Variants in PTPRU observed in about 807,000 individuals in gnomAD.
PTPRU encodes protein tyrosine phosphatase receptor type U, also known as receptor-type tyrosine-protein phosphatase U.
In PTPRU, 69 loss-of-function variants were observed where a neutral mutation model predicts 166.3. The observed-to-expected ratio is 0.41, with a 90% CI of 0.34 to 0.51. The LOEUF (loss-of-function observed/expected upper bound fraction) is 0.51, where lower values mean the gene tolerates loss of function less well. PTPRU is among the 20% of genes least tolerant of loss of function. The pLI is 0.09. For synonymous variants in PTPRU, 793 were observed against 814.0 expected (o/e 0.97, Z 0.44); for missense variants, 1,657 against 2,013.7 (o/e 0.82, Z 3.39).
In PTPRU at chr1:29,259,293, C is replaced by G. The variant is rs1358064137; in HGVS notation, c.510C>G (p.Arg170=). 6.2e-7 allele frequency: 1 copy of G among 1,614,124 alleles called. No individual in the cohort carries two copies. Among genetic ancestry groups the G allele is most frequent in the Admixed American group, 1.7e-5 (1 of 60,024 alleles). The stretch of plus-strand genomic sequence containing the variant: ...TTGAGGCCCTCATCTCCCCAGACCG[C>G]AGGGGCTACATGGGCCTAGATGACA... ...VLFEALISPD[R]RGYMGLDDIL... is the part of the protein sequence containing the mutation. The change falls in exon 4 of 30, where the codon CGC becomes CGG. Residue 170 remains arginine, a synonymous_variant. Transcript: ENST00000373779.
intron 8 of PTPRU, among the ~76,000 whole-genome samples, chr1:29,276,717 T>C (rs1194133008): frequency 6.6e-6 from 1 of 152,252 alleles, no homozygotes; most frequent in Non-Finnish European, 1.5e-5. Context: ...TTTTCTTGTT[T>C]ACCCTTGTGA....
chr1:29,282,841 G>T lies in PTPRU; in HGVS notation c.2034G>T (p.Met678Ile). Reference sequence around the variant, plus strand: ...CGGCCAGCAGTCTACCTGAGGCCATGCCCTTTACCGTGGGTGACAACCAGA... The same window carrying T: ...CGGCCAGCAGTCTACCTGAGGCCATTCCCTTTACCGTGGGTGACAACCAGA... ...ELAASSLPEA[M>I]PFTVGDNQTY... Residue 678 changes from methionine to isoleucine, a missense_variant, in exon 12 of 30, where the codon ATG (methionine) becomes ATT (isoleucine). Transcript: ENST00000373779. 6.2e-7 allele frequency: 1 copy of T among 1,614,168 alleles called. No individual in the cohort carries two copies. The highest frequency in any genetic ancestry group is 8.5e-7 in the Non-Finnish European group (1 of 1,180,012).
chr1:29,255,020 G>A (rs1684711607), intron 1 of PTPRU, among the ~76,000 whole-genome samples: 1 of 152,172 alleles, frequency 6.6e-6, no homozygotes, highest in Non-Finnish European at 1.5e-5. Context: ...AGCCAGTGGT[G>A]GTTGGGGGGT....
chr1:29,259,600 T>TGGGGTTTTTTGGGGGGGGGGGGGGGGG, intron 5 of PTPRU, 36 bp downstream of exon 5: 2 of 253,660 alleles, frequency 7.9e-6, no homozygotes, highest in Non-Finnish European at 1.5e-5. Flanking sequence ...GGGGGCGGGG[T>TGGGGTTTTTTGGGGGGGGGGGGGGGGG]GGGAGGGGGT....
intron 22 of PTPRU, among the ~76,000 whole-genome samples, chr1:29,314,591 T>TG (rs1299588399): frequency 6.6e-6 from 1 of 151,622 alleles, no homozygotes; most frequent in African/African-American, 2.4e-5. Context: ...TAATTTTTTT[T>TG]TTTTGAGACA....
At chr1:29,266,022 T>TC (rs1685287288) in intron 7 of PTPRU, among the ~76,000 whole-genome samples, 1 of 141,646 alleles carries the variant, frequency 7.1e-6, no homozygotes, top group African/African-American at 2.6e-5. Flanking sequence ...TTTTTTTTTT[T>TC]TTTTTTTTTT....
Position 29,236,734 on chromosome 1 carries a change from C to T in PTPRU, c.73+17C>T, listed in dbSNP as rs1383946212. On this transcript the variant is annotated intron_variant, in intron 1 of 29. Coordinates refer to ENST00000373779, the MANE Select transcript of PTPRU (RefSeq NM_133178.4). This position sits in a 1 kb window ranked among gnomAD's most constrained non-coding sequence, Gnocchi z 4.6. ...CTCCGGCAGGTAAGCGCGCGGCGGC[C>T]GGACCGAGCCTGCCCCGCCGAGCCT... 2.8e-6 allele frequency: 4 copies of T among 1,413,782 alleles called. No individual in the cohort carries two copies. The highest frequency in any genetic ancestry group is 1.5e-5 in the African/African-American group (1 of 67,778). 87.6% of individuals were successfully genotyped at this position (1,413,782 alleles called of 1,614,324 possible).
chr1:29,267,725 G>A (rs2151947947), intron 7 of PTPRU, among the ~76,000 whole-genome samples: 1 of 152,334 alleles, frequency 6.6e-6, no homozygotes, highest in East Asian at 1.9e-4. Flanking sequence ...GAGAGAGCTG[G>A]GGAGCCACTG....
chr1:29,260,264 C>G lies in PTPRU; in HGVS notation c.850+220C>G. ...TGGCTTCGAGGGGGACGGACAGGGTCAAGGTGAGAGCCTAAAGAGGGGTGG... is the reference window on the plus strand; with the variant it reads ...TGGCTTCGAGGGGGACGGACAGGGTGAAGGTGAGAGCCTAAAGAGGGGTGG... On this transcript the variant is annotated intron_variant, in intron 6 of 29. Coordinates refer to ENST00000373779, the MANE Select transcript of PTPRU (RefSeq NM_133178.4). The surrounding 1 kb of genome is among the most constrained non-coding windows in gnomAD (Gnocchi z 8.3). The G allele has an allele frequency of 1.9e-6, 1 of 533,396 alleles. No individual in the cohort carries two copies. The highest frequency in any genetic ancestry group is 4.2e-5 in the Admixed American group (1 of 23,858). 33.0% of individuals were successfully genotyped at this position (533,396 alleles called of 1,614,324 possible).
intron 1 of PTPRU, among the ~76,000 whole-genome samples, chr1:29,254,213 G>T (rs988641620): frequency 1.3e-5 from 2 of 152,192 alleles, no homozygotes; most frequent in Admixed American, 1.3e-4. Flanking sequence ...GATGCCTCAG[G>T]CTCCTGATGG....
At chr1:29,303,728 C>A (rs1687248052) in intron 15 of PTPRU, 127 bp from the exon 16 acceptor site, 3 of 1,034,582 alleles carry the variant, frequency 2.9e-6, no homozygotes, top group African/African-American at 1.6e-5. Context: ...CTGCTTGGCT[C>A]CAGCCAACAA....
At position 29,241,416 on chromosome 1, in the gene PTPRU, G is replaced by A. The variant is rs74065285; in HGVS notation, c.73+4699G>A. Among the ~76,000 whole-genome samples the A allele has an allele frequency of 2.1e-3, 317 of 152,112 alleles. 1 individual carries two copies. Among genetic ancestry groups the A allele is most frequent in the African/African-American group, 6.5e-3 (268 of 41,472 alleles). On this transcript the variant is annotated intron_variant, in intron 1 of 29. Coordinates refer to ENST00000373779, the MANE Select transcript of PTPRU (RefSeq NM_133178.4). ...GGGAGTGTCTCTGTGTTGTGTCCAGGTATGGGGCTGGCCAGGTGCCTGAGT... is the reference window on the plus strand; with the variant it reads ...GGGAGTGTCTCTGTGTTGTGTCCAGATATGGGGCTGGCCAGGTGCCTGAGT...
intron 12 of PTPRU, among the ~76,000 whole-genome samples, chr1:29,283,483 AT>A (rs1229102725): frequency 1.3e-5 from 2 of 151,584 alleles, no homozygotes; most frequent in Non-Finnish European, 2.9e-5. Flanking sequence ...CCTGCCTTCT[AT>A]CTTAGATGCT....
intron 22 of PTPRU, among the ~76,000 whole-genome samples, chr1:29,313,271 C>T (rs1219855912): frequency 6.6e-6 from 1 of 152,098 alleles, no homozygotes; most frequent in Non-Finnish European, 1.5e-5. Context: ...CCCTGGAGAG[C>T]GTAACCCCCA....
intron 14 of PTPRU, chr1:29,289,592 C>A: frequency 6.6e-7 from 1 of 1,523,396 alleles, no homozygotes; most frequent in Non-Finnish European, 9.1e-7. Flanking sequence ...GGTACCCAGG[C>A]CCCACCCTGC....
intron 1 of PTPRU, among the ~76,000 whole-genome samples, chr1:29,253,241 G>A (rs1317355740): frequency 1.3e-5 from 2 of 152,160 alleles, no homozygotes; most frequent in South Asian, 2.1e-4. Flanking sequence ...GAAGCTCTCC[G>A]AACCCTGTCC....
chr1:29,304,819 A>T lies in PTPRU; in HGVS notation c.2713A>T (p.Lys905Ter). 6.2e-7 allele frequency: 1 copy of T among 1,612,598 alleles called. No individual in the cohort carries two copies. Among genetic ancestry groups the T allele is most frequent in the Non-Finnish European group, 8.5e-7 (1 of 1,178,830 alleles). The change falls in exon 17 of 30, where the codon AAG becomes TAG. Residue 905 changes from lysine (K) to a stop codon, truncating the protein, a stop_gained. Transcript: ENST00000373779. LOFTEE classifies it high-confidence loss of function. Reference protein sequence around the residue: ...WDATKKKDKVKGSRQEPMPAY... With the variant: ...WDATKKKDKV ...CGCCACAAAGAAGAAAGACAAGGTC[A>T]AGGGCAGCCGGCAGGAGCCAATGCC... is the stretch of plus-strand genomic sequence containing the variant.
intron 12 of PTPRU, 53 bp from the exon 13 acceptor site, chr1:29,283,887 G>A (rs996245266): frequency 6.2e-7 from 1 of 1,609,310 alleles, no homozygotes; most frequent in Admixed American, 1.7e-5. Flanking sequence ...CCCACCCTGG[G>A]GAGGGAGAGG....
intron 7 of PTPRU, among the ~76,000 whole-genome samples, chr1:29,267,566 A>T (rs530042151): frequency 6.6e-6 from 1 of 152,228 alleles, no homozygotes; most frequent in Non-Finnish European, 1.5e-5. Flanking sequence ...CTGAGCAGCC[A>T]GCACAAAGGC....
Sources: allele counts gnomAD v4.1 joint callset (sites outside exome capture counted in the v4.1 genomes callset), GRCh38; gene constraint gnomAD v4.1.1; non-coding constraint Gnocchi (gnomAD v3.1); transcripts MANE v1.5; gene names NCBI Gene and HGNC (gene_info 2026-07-23, HGNC 2026-07-21).